Variants in ELL observed in about 807,000 individuals in gnomAD.
ELL encodes the protein RNA polymerase II elongation factor ELL.
A neutral mutation model predicts 64.0 loss-of-function variants in ELL; 18 were observed. The observed-to-expected ratio is 0.28, with a 90% confidence interval of 0.19 to 0.42. ELL has a LOEUF of 0.42. Ranked by LOEUF, ELL falls within the 10% of genes least tolerant of loss-of-function variation. The probability of loss-of-function intolerance (pLI) is 1.00; values close to 1 mark genes in which losing one functional copy is unlikely to be tolerated. For missense variants in ELL, 797 were observed against 870.4 expected (o/e 0.92, Z 1.06); for synonymous variants, 399 against 376.2 (o/e 1.06, Z -0.70).
rs1435593862 is a variant in ELL at position 18,522,047 on chromosome 19, C to A, written c.9G>T (p.Ala3=). Residue 3 remains alanine, a synonymous_variant, in exon 1 of 12, where the codon GCG becomes GCT. Transcript: ENST00000262809. ...GCCCGTAGCTCCTATCCTCCTTCAG[C>A]GCCGCCATCTTGCGACCATCTCTCC... MA[A]LKEDRSYGLS... 6.2e-7 allele frequency: 1 copy of A among 1,603,516 alleles called. No individual in the cohort carries two copies.
At chr19:18,487,196 A>G (rs1975436885) in intron 1 of ELL, among the ~76,000 whole-genome samples, 1 of 152,154 alleles carries the variant, frequency 6.6e-6, no homozygotes, top group African/African-American at 2.4e-5. Flanking sequence ...ATTCCCCATA[A>G]AAACCCATTG....
chr19:18,482,794 T>TTGTTGTTGTTGTTGTTGTTGCTGC (rs139501319), intron 1 of ELL, among the ~76,000 whole-genome samples: 23 of 150,066 alleles, frequency 1.5e-4, no homozygotes, highest in African/African-American at 4.5e-4. Context: ...GTTGTTGTTG[T>TTGTTGTTGTTGTTGTTGTTGCTGC]TGCTGCTGTT....
chr19:18,460,561 T>A (rs1401185593), intron 5 of ELL, among the ~76,000 whole-genome samples: 1 of 152,142 alleles, frequency 6.6e-6, no homozygotes, highest in African/African-American at 2.4e-5. Context: ...GGGAGCAGGA[T>A]GGGGGTGGAC....
At position 18,450,666 on chromosome 19, in the gene ELL, C is replaced by T. The variant is rs200447123; in HGVS notation, c.1276G>A (p.Gly426Ser). The change falls in exon 8 of 12, where the codon GGC (glycine) becomes AGC (serine). Residue 426 changes from glycine (G) to serine (S), a missense_variant. Gly to Ser is a moderately conservative substitution (Grantham distance 56). Transcript: ENST00000262809. ...AAAPAPTVRL[G>S]LPLLTDCAQP... ...GCACAGTCCGTCAGCAGGGGCAGGCCGAGGCGCACAGTGGGGGCTGGGGCA... is the reference window on the plus strand; with the variant it reads ...GCACAGTCCGTCAGCAGGGGCAGGCTGAGGCGCACAGTGGGGGCTGGGGCA... 1,185 of 1,589,386 alleles carry T rather than the reference C, an allele frequency of 7.5e-4. 2 individuals carry two copies. The highest frequency in any genetic ancestry group is 1.3e-3 in the South Asian group (114 of 88,972).
At chr19:18,519,632 C>T (rs1306322270) in intron 1 of ELL, among the ~76,000 whole-genome samples, 2 of 152,008 alleles carry the variant, frequency 1.3e-5, no homozygotes, top group African/African-American at 4.8e-5. Context: ...CATGGCAAAA[C>T]CCTGTCTCTA....
At chr19:18,490,519 T>C (rs766111898) in intron 1 of ELL, among the ~76,000 whole-genome samples, 4 of 152,178 alleles carry the variant, frequency 2.6e-5, no homozygotes, top group Non-Finnish European at 5.9e-5. Context: ...CTGCCTCTAA[T>C]CTGCAAGTTT....
At position 18,442,897 on chromosome 19, in the gene ELL, G is replaced by A. The variant is rs1210251680; in HGVS notation, c.*1855C>T. The A allele has an allele frequency of 8.7e-6, 2 of 228,658 alleles. No individual in the cohort carries two copies. The highest frequency in any genetic ancestry group is 2.2e-5 in the African/African-American group (1 of 44,998). The allele number at this position is 228,658 out of a possible 1,614,324, so 14.2% of individuals were successfully genotyped here. The stretch of plus-strand genomic sequence containing the variant: ...AAAGAAAAAAAAATAGTATCAATAA[G>A]TTAGACCATATTTAATCAGCTAGAA... On this transcript the variant is annotated 3_prime_UTR_variant, in exon 12 of 12. Transcript: ENST00000262809.
At chr19:18,464,921 G>A (rs1222618540) in intron 4 of ELL, among the ~76,000 whole-genome samples, 3 of 152,228 alleles carry the variant, frequency 2.0e-5, no homozygotes, top group African/African-American at 7.2e-5. Flanking sequence ...CTGGCAACAG[G>A]GCCTGTGAGG....
chr19:18,450,427 T>G, intron 8 of ELL, 50 bp downstream of exon 8: 1 of 1,580,876 alleles, frequency 6.3e-7, no homozygotes. Context: ...GAGGCGGGTG[T>G]GGGGCCAGTA....
chr19:18,451,560 G>A lies in ELL; in HGVS notation c.958C>T (p.Pro320Ser). Reference sequence around the variant, plus strand: ...AGGCATGCCTCACTTACCTGTGGGGGCGAGGCCGAGCGCCCACGCTCGCCT... The same window carrying A: ...AGGCATGCCTCACTTACCTGTGGGGACGAGGCCGAGCGCCCACGCTCGCCT... ...PPGERGRSAS[P>S]PQKRLQPPDF... Residue 320 changes from proline (P) to serine (S), a missense_variant, in exon 7 of 12, where the codon CCC (proline) becomes TCC (serine). Transcript: ENST00000262809. The A allele has an allele frequency of 1.3e-6, 2 of 1,487,768 alleles. No individual in the cohort carries two copies. The highest frequency in any genetic ancestry group is 1.8e-6 in the Non-Finnish European group (2 of 1,127,620). 92.2% of individuals were successfully genotyped at this position (1,487,768 alleles called of 1,614,324 possible). A position where few individuals can be genotyped will look rare whatever the true frequency, so the allele number is the denominator to read the frequency against.
At chr19:18,514,513 C>CAAAAA (rs557236460) in intron 1 of ELL, among the ~76,000 whole-genome samples, 10 of 39,124 alleles carry the variant, frequency 2.6e-4, no homozygotes, top group African/African-American at 4.3e-4. Context: ...GACTCCATCT[C>CAAAAA]AAAAAAAAAA....
chr19:18,471,256 T>C, intron 2 of ELL: 1 of 363,518 alleles, frequency 2.8e-6, no homozygotes, highest in Non-Finnish European at 5.4e-6. Context: ...ACACCAGTAG[T>C]CCCAACTACT....
chr19:18,510,809 T>C (rs61285265), intron 1 of ELL, among the ~76,000 whole-genome samples: 2,682 of 152,172 alleles, frequency 0.018, 83 homozygotes, highest in African/African-American at 0.061. Flanking sequence ...TGGCAAATCC[T>C]CAAAAAATTA....
At chr19:18,465,274 G>A in intron 4 of ELL, 138 bp downstream of exon 4, 2 of 1,267,408 alleles carry the variant, frequency 1.6e-6, no homozygotes, top group Non-Finnish European at 2.1e-6. Flanking sequence ...GGCACGTCCT[G>A]CTCAGGGACC....
intron 5 of ELL, among the ~76,000 whole-genome samples, chr19:18,459,817 C>T (rs753614666): frequency 6.2e-5 from 9 of 146,114 alleles, no homozygotes; most frequent in African/African-American, 1.8e-4. Flanking sequence ...TGAGCCACCG[C>T]GCCCGGCCCA....
At chr19:18,492,932 C>G (rs1051624672) in intron 1 of ELL, among the ~76,000 whole-genome samples, 4 of 152,108 alleles carry the variant, frequency 2.6e-5, no homozygotes, top group Non-Finnish European at 5.9e-5. Flanking sequence ...AGGACAAGTT[C>G]ATTCCCCCAC....
intron 2 of ELL, among the ~76,000 whole-genome samples, chr19:18,466,635 G>A (rs570607985): frequency 1.7e-4 from 26 of 152,328 alleles, no homozygotes; most frequent in African/African-American, 4.6e-4. Flanking sequence ...CGCTGGTCCC[G>A]GCCAGGCTCA....
chr19:18,478,348 C>T (rs776006633), intron 1 of ELL, among the ~76,000 whole-genome samples: 2 of 152,144 alleles, frequency 1.3e-5, no homozygotes, highest in African/African-American at 2.4e-5. Flanking sequence ...AATTAAATAA[C>T]GGGGTAACTC....
At chr19:18,466,479 C>A (rs974642930) in intron 2 of ELL, among the ~76,000 whole-genome samples, 4 of 152,218 alleles carry the variant, frequency 2.6e-5, no homozygotes, top group Non-Finnish European at 5.9e-5. Context: ...CAGGGGCTCA[C>A]AGATCAGAAG....
Sources: allele counts gnomAD v4.1 joint callset (sites outside exome capture counted in the v4.1 genomes callset), GRCh38; gene constraint gnomAD v4.1.1; transcripts MANE v1.5; gene names NCBI Gene and HGNC (gene_info 2026-07-23, HGNC 2026-07-21).